The following NPTN variants were observed in gnomAD, a reference collection of about 807,000 sequenced individuals.
The protein encoded by NPTN is neuroplastin, also known as SDR-1.
A neutral mutation model predicts 42.7 loss-of-function variants in NPTN; 5 were observed. The observed-to-expected ratio is 0.12, with a 90% CI of 0.06 to 0.25. The LOEUF is 0.25. Ranked by LOEUF, NPTN falls within the 10% of genes least tolerant of loss-of-function variation. The pLI is 1.00. For synonymous variants in NPTN, 180 were observed against 201.9 expected (o/e 0.89, Z 0.92); for missense variants, 307 against 525.4 (o/e 0.58, Z 4.06).
intron 1 of NPTN, among the ~76,000 whole-genome samples, chr15:73,619,062 CAAAAA>C (rs61683372): frequency 1.6e-5 from 1 of 61,166 alleles, no homozygotes. Context: ...GACCCTGTCT[CAAAAA>C]AAAAAAAAAA....
intron 1 of NPTN, among the ~76,000 whole-genome samples, chr15:73,622,620 A>G (rs1313068791): frequency 3.3e-5 from 5 of 152,164 alleles, no homozygotes; most frequent in Non-Finnish European, 1.5e-5. Flanking sequence ...TGAAGAAAAC[A>G]CATATAGAAA....
At position 73,569,571 on chromosome 15, in the gene NPTN, A is replaced by C. The variant is rs150893876; in HGVS notation, c.1114+579T>G. 1.0e-3 allele frequency: 1,002 copies of C among 985,426 alleles called. 7 individuals carry two copies. The African/African-American group carries it at 0.016, about 16-fold the overall frequency. The allele number at this position is 985,426 out of a possible 1,614,324, so 61.0% of individuals were successfully genotyped here. On this transcript the variant is annotated intron_variant, in intron 6 of 8. Transcript: ENST00000345330. The surrounding 1 kb of genome is among the most constrained non-coding windows in gnomAD (Gnocchi z 4.1). The stretch of plus-strand genomic sequence containing the variant: ...ACAGATGGAAAGCCACCCAGCAGAG[A>C]GCGCTGGAAACCTATCAAAGGGACC...
intron 1 of NPTN, among the ~76,000 whole-genome samples, chr15:73,603,519 C>G (rs1401431115): frequency 6.6e-6 from 1 of 152,138 alleles, no homozygotes; most frequent in Non-Finnish European, 1.5e-5. Flanking sequence ...CTGGAATGAA[C>G]AAAGTGATAA....
rs1895342084 is a variant in NPTN, at chr15:73,570,933, ACTTTC to A, written c.841-515_841-511del. Reference sequence around the variant, plus strand: ...CTAGTCAGACTGGGGGAAATTCATAACTTTCCTTTCATTTAAGGACTAGAGGTTAG... The same window carrying A: ...CTAGTCAGACTGGGGGAAATTCATAACTTTCATTTAAGGACTAGAGGTTAG... On this transcript the variant is annotated intron_variant, in intron 5 of 8. Coordinates refer to ENST00000345330, the MANE Select transcript of NPTN (RefSeq NM_012428.4). The surrounding 1 kb of genome is among the most constrained non-coding windows in gnomAD (Gnocchi z 4.0). Among the ~76,000 whole-genome samples the A allele has an allele frequency of 1.3e-5, 2 of 152,224 alleles. No homozygotes were observed. The highest frequency in any genetic ancestry group is 2.4e-5 in the African/African-American group (1 of 41,462).
intron 4 of NPTN, among the ~76,000 whole-genome samples, chr15:73,582,269 TG>T (rs1279751316): frequency 6.6e-6 from 1 of 152,228 alleles, no homozygotes; most frequent in Non-Finnish European, 1.5e-5. Flanking sequence ...ACGGTCTATT[TG>T]CTTCCTTCAT....
chr15:73,577,501 T>A (rs543957569), intron 4 of NPTN, among the ~76,000 whole-genome samples: 1 of 152,234 alleles, frequency 6.6e-6, no homozygotes, highest in Non-Finnish European at 1.5e-5. Context: ...GGGCGCAGGC[T>A]GAACTAACTT....
rs1896870058 is a variant in NPTN, at chr15:73,597,167, C to T, written c.294G>A (p.Val98=). The T allele has an allele frequency of 6.2e-7, 1 of 1,614,064 alleles. No homozygotes were observed. The part of the protein sequence containing the change: ...TVNTAYGSNG[V]SVLRITRLTL... ...TGAGCCGGGTTATTCTCAGCACACT[C>T]ACGCCGTTTGACCCGTAGGCGGTGT... is the stretch of plus-strand genomic sequence containing the variant. The change falls in exon 2 of 9, where the codon GTG becomes GTA. Residue 98 remains valine, a synonymous_variant. Coordinates refer to ENST00000345330, the MANE Select transcript of NPTN (RefSeq NM_012428.4). The surrounding 1 kb of genome is among the most constrained non-coding windows in gnomAD (Gnocchi z 6.3).
intron 4 of NPTN, among the ~76,000 whole-genome samples, chr15:73,581,102 A>T (rs1206468117): frequency 6.6e-6 from 1 of 152,178 alleles, no homozygotes; most frequent in Non-Finnish European, 1.5e-5. Flanking sequence ...GAAATCAAAG[A>T]TACTGATTAC....
chr15:73,589,068 A>G (rs1896462695), intron 3 of NPTN, among the ~76,000 whole-genome samples: 1 of 152,180 alleles, frequency 6.6e-6, no homozygotes, highest in African/African-American at 2.4e-5. Flanking sequence ...GTGGTGGCTC[A>G]CACCTGTAAT....
intron 4 of NPTN, 23 bp from the exon 5 acceptor site, chr15:73,573,818 G>A (rs775643074): frequency 2.5e-6 from 4 of 1,604,762 alleles, no homozygotes; most frequent in Non-Finnish European, 3.4e-6. Context: ...GTTAGACGCA[G>A]TTACCACGGA....
intron 4 of NPTN, among the ~76,000 whole-genome samples, chr15:73,581,447 TC>T (rs1481007538): frequency 6.6e-6 from 1 of 152,172 alleles, no homozygotes; most frequent in African/African-American, 2.4e-5. Flanking sequence ...AGAGTTCTGA[TC>T]CACTCAGGAA....
At chr15:73,572,378 A>C (rs1166454559) in intron 5 of NPTN, among the ~76,000 whole-genome samples, 2 of 152,242 alleles carry the variant, frequency 1.3e-5, no homozygotes, top group Non-Finnish European at 2.9e-5. Flanking sequence ...GTCAACAATC[A>C]TAATGAGAGA....
At chr15:73,587,703 G>T (rs952851440) in intron 3 of NPTN, 85 bp from the exon 4 acceptor site, 4 of 994,030 alleles carry the variant, frequency 4.0e-6, no homozygotes, top group Non-Finnish European at 6.4e-6. Flanking sequence ...GGGCAATCAG[G>T]GATCCTGCTC....
chr15:73,623,959 T>A (rs917560573), intron 1 of NPTN, among the ~76,000 whole-genome samples: 1 of 152,208 alleles, frequency 6.6e-6, no homozygotes, highest in African/African-American at 2.4e-5. Context: ...CTCTAGGCCA[T>A]TGCTCTTTGA....
chr15:73,588,980 G>A (rs1218715567), intron 3 of NPTN, among the ~76,000 whole-genome samples: 3 of 152,152 alleles, frequency 2.0e-5, no homozygotes, highest in African/African-American at 4.8e-5. Context: ...CAAACACAGA[G>A]TGAATATCTA....
At chr15:73,582,570 T>A (rs1318938220) in intron 4 of NPTN, among the ~76,000 whole-genome samples, 1 of 152,172 alleles carries the variant, frequency 6.6e-6, no homozygotes, top group Non-Finnish European at 1.5e-5. Flanking sequence ...TTGAAGACAG[T>A]GACCCTCAAC....
intron 4 of NPTN, among the ~76,000 whole-genome samples, chr15:73,582,451 C>T (rs980035749): frequency 3.3e-5 from 5 of 152,174 alleles, no homozygotes; most frequent in African/African-American, 1.2e-4. Context: ...GCTCAACAAG[C>T]ATTCTCCACC....
chr15:73,574,818 C>T (rs1895599127), intron 4 of NPTN, among the ~76,000 whole-genome samples: 1 of 152,180 alleles, frequency 6.6e-6, no homozygotes, highest in Non-Finnish European at 1.5e-5. Context: ...ATGCTAGAGG[C>T]CGTTGGTCTT....
intron 4 of NPTN, 43 bp from the exon 5 acceptor site, chr15:73,573,838 C>T: frequency 6.3e-7 from 1 of 1,599,702 alleles, no homozygotes; most frequent in Non-Finnish European, 8.5e-7. Flanking sequence ...AAGTCTACTC[C>T]AAACAGGATA....
Sources: gnomAD v4.1 joint callset for allele counts (sites outside exome capture counted in the v4.1 genomes callset) on GRCh38, gnomAD v4.1.1 for gene constraint, Gnocchi (gnomAD v3.1) non-coding constraint, MANE v1.5 for transcripts, NCBI Gene and HGNC (gene_info 2026-07-23, HGNC 2026-07-21) for gene names.